Variants in DHX36 observed in about 807,000 individuals in gnomAD.
DHX36 encodes the protein ATP-dependent DNA/RNA helicase DHX36.
A neutral mutation model predicts 139.0 loss-of-function variants in DHX36; 50 were observed. The ratio of observed to expected loss-of-function variants is 0.36; its 90% CI spans 0.29 to 0.46. The LOEUF (loss-of-function observed/expected upper bound fraction) is 0.46. DHX36 is among the 20% of genes least tolerant of loss of function. The pLI, the probability that DHX36 is intolerant of heterozygous loss-of-function variation, is 1.00. For missense variants in DHX36, 1,024 were observed against 1,211.3 expected (o/e 0.85, Z 2.29); for synonymous variants, 425 against 401.9 (o/e 1.06, Z -0.69).
rs1712197578 is a variant in DHX36, at chr3:154,299,877, A to C, written c.1510T>G (p.Leu504Val). ...FLPGWDNIST[L>V]HDLLMSQVMF... ...ACTTGTGACATCAAGAGATCATGTAAAGTGCTGATATTGTCCCAGCCTGGC... is the reference window on the plus strand; with the variant it reads ...ACTTGTGACATCAAGAGATCATGTACAGTGCTGATATTGTCCCAGCCTGGC... Residue 504 changes from leucine to valine, a missense_variant, in exon 12 of 25, where the codon TTA becomes GTA. By Grantham distance (32) the Leu-to-Val change is conservative. Coordinates refer to ENST00000496811, the MANE Select transcript of DHX36 (RefSeq NM_020865.3). 6.2e-7 allele frequency: 1 copy of C among 1,613,724 alleles called. No individual in the cohort carries two copies. Among genetic ancestry groups the C allele is most frequent in the African/African-American group, 1.3e-5 (1 of 75,022 alleles).
At chr3:154,306,078 C>T (rs1712489969) in intron 6 of DHX36, 138 bp downstream of exon 6, 1 of 581,790 alleles carries the variant, frequency 1.7e-6, no homozygotes. Flanking sequence ...AGCAAGTCAT[C>T]TACGCTGCAG....
chr3:154,299,779 C>T lies in DHX36; in HGVS notation c.1549+59G>A, dbSNP rs765810244. On this transcript the variant is annotated intron_variant, in intron 12 of 24. Coordinates refer to ENST00000496811, the MANE Select transcript of DHX36 (RefSeq NM_020865.3). ...TCTTTGAATAAAAGAAAAAAATACACATCATATATAATTCAAATACCACTC... is the reference window on the plus strand; with the variant it reads ...TCTTTGAATAAAAGAAAAAAATACATATCATATATAATTCAAATACCACTC... 1.4e-5 allele frequency: 17 copies of T among 1,254,856 alleles called. No homozygotes were observed. The Middle Eastern group carries it at 1.7e-3, about 124-fold the overall frequency. 77.7% of individuals were successfully genotyped at this position (1,254,856 alleles called of 1,614,324 possible).
At chr3:154,278,825 G>A (rs1409450618) in intron 22 of DHX36, 4 of 152,062 alleles carry the variant, frequency 2.6e-5, no homozygotes, top group Non-Finnish European at 5.9e-5. Context: ...TCAAAATCAT[G>A]AATCATGGTT....
intron 17 of DHX36, 104 bp from the exon 18 acceptor site, chr3:154,285,091 T>A: frequency 8.6e-7 from 1 of 1,161,686 alleles, no homozygotes; most frequent in Non-Finnish European, 1.2e-6. Flanking sequence ...CTCTCTCTTC[T>A]AAGTCCAAAT....
In DHX36 at chr3:154,275,237, T is replaced by C. The variant is rs1177411999; in HGVS notation, c.*934A>G. ...CATGTTACCTAGGCACAACCTCCCA[T>C]ATTCTTTAAGTCATCTCTAGATTAT... On this transcript the variant is annotated 3_prime_UTR_variant, in exon 25 of 25. Coordinates refer to ENST00000496811, the MANE Select transcript of DHX36 (RefSeq NM_020865.3). The C allele has an allele frequency of 1.3e-5, 2 of 152,192 alleles. No homozygotes were observed. The highest frequency in any genetic ancestry group is 1.5e-5 in the Non-Finnish European group (1 of 68,048). The allele number at this position is 152,192 out of a possible 1,614,324, so 9.4% of individuals were successfully genotyped here.
chr3:154,294,792 T>C (rs1379398281), intron 13 of DHX36, among the ~76,000 whole-genome samples: 2 of 152,240 alleles, frequency 1.3e-5, no homozygotes, highest in African/African-American at 4.8e-5. Context: ...ATCCTGCCTC[T>C]GAGAATGTAG....
At chr3:154,293,951 T>C (rs964558627) in intron 13 of DHX36, 139 bp from the exon 14 acceptor site, 12 of 553,474 alleles carry the variant, frequency 2.2e-5, no homozygotes, top group Non-Finnish European at 3.6e-5. Context: ...CTAATATTTA[T>C]CGATGTATTT....
At chr3:154,297,788 T>G (rs1712101588) in intron 12 of DHX36, among the ~76,000 whole-genome samples, 1 of 151,840 alleles carries the variant, frequency 6.6e-6, no homozygotes, top group Admixed American at 6.6e-5. Flanking sequence ...TAGCCAGGGA[T>G]AATAAAAGTA....
chr3:154,324,098 CAAGAAA>C, intron 1 of DHX36, 70 bp downstream of exon 1: 1 of 1,473,104 alleles, frequency 6.8e-7, no homozygotes. Context: ...GAAACAAAAC[CAAGAAA>C]AAGGGGGCAG....
Position 154,276,002 on chromosome 3 carries a change from C to G in DHX36, c.*169G>C, listed in dbSNP as rs568119530. The G allele has an allele frequency of 2.5e-6, 1 of 407,106 alleles. No homozygotes were observed. The highest frequency in any genetic ancestry group is 2.2e-5 in the African/African-American group (1 of 46,292). The allele number at this position is 407,106 out of a possible 1,614,324, so 25.2% of individuals were successfully genotyped here. A position where few individuals can be genotyped will look rare whatever the true frequency, so the allele number is the denominator to read the frequency against. On this transcript the variant is annotated 3_prime_UTR_variant, in exon 25 of 25. Coordinates refer to ENST00000496811, the MANE Select transcript of DHX36 (RefSeq NM_020865.3). The stretch of plus-strand genomic sequence containing the variant: ...GGTATATATATATATATATATATAT[C>G]TCTACATATAACATCAAGTCATGCA...
chr3:154,285,085 C>T, intron 17 of DHX36, 98 bp from the exon 18 acceptor site: 1 of 1,247,844 alleles, frequency 8.0e-7, no homozygotes, highest in Non-Finnish European at 1.1e-6. Context: ...CCACTACTCT[C>T]TCTTCTAAGT....
Position 154,303,363 on chromosome 3 carries a change from C to T in DHX36, c.1183G>A (p.Glu395Lys). The change falls in exon 9 of 25, where the codon GAA becomes AAA. Residue 395 changes from glutamate (E) to lysine (K), a missense_variant. Glu to Lys is a moderately conservative substitution (Grantham distance 56). Transcript: ENST00000496811. ...HIPGFTFPVVEYLLEDVIEKI... is the reference protein window; with the variant it reads ...HIPGFTFPVVKYLLEDVIEKI... Reference sequence around the variant, plus strand: ...TCAATTACATCTTCCAAAAGATATTCCACAACCGGAAAGGTAAAACCAGGT... The same window carrying T: ...TCAATTACATCTTCCAAAAGATATTTCACAACCGGAAAGGTAAAACCAGGT... 6.2e-7 allele frequency: 1 copy of T among 1,607,344 alleles called. No homozygotes were observed. Among genetic ancestry groups the T allele is most frequent in the Non-Finnish European group, 8.5e-7 (1 of 1,177,222 alleles).
chr3:154,319,614 C>T (rs1164293518), intron 1 of DHX36, among the ~76,000 whole-genome samples: 1 of 152,168 alleles, frequency 6.6e-6, no homozygotes, highest in African/African-American at 2.4e-5. Context: ...CTCAGGGCCA[C>T]CTCCTTCACT....
At chr3:154,314,625 G>A (rs1048377675) in intron 3 of DHX36, 1 of 153,938 alleles carries the variant, frequency 6.5e-6, no homozygotes, top group Non-Finnish European at 1.4e-5. Flanking sequence ...TATTTAAAAT[G>A]TTAGTGAACA....
intron 14 of DHX36, 71 bp from the exon 15 acceptor site, chr3:154,292,765 A>G: frequency 6.4e-7 from 1 of 1,553,890 alleles, no homozygotes; most frequent in Non-Finnish European, 8.7e-7. Context: ...ACACACATCG[A>G]AAGCACTATT....
At position 154,274,392 on chromosome 3, in the gene DHX36, A is replaced by T. The variant is rs1214333773; in HGVS notation, c.*1779T>A. 1 of 171,666 alleles carries T rather than the reference A, an allele frequency of 5.8e-6. No homozygotes were observed. The highest frequency in any genetic ancestry group is 1.2e-5 in the Non-Finnish European group (1 of 80,526). 10.6% of individuals were successfully genotyped at this position (171,666 alleles called of 1,614,324 possible). ...TATTAAAAGTGGCTTAAACAATTGA[A>T]GGGTTTTTATTATATCAACATAAGT... On this transcript the variant is annotated 3_prime_UTR_variant, in exon 25 of 25. Transcript: ENST00000496811.
chr3:154,296,195 C>T lies in DHX36; in HGVS notation c.1550-856G>A, dbSNP rs192771032. On this transcript the variant is annotated intron_variant, in intron 12 of 24. Transcript: ENST00000496811. Reference sequence around the variant, plus strand: ...CTTGTTAAAAATAATACATTCCAGGCCAGGCGCGGTGGCTCATGCCTGTAA... The same window carrying T: ...CTTGTTAAAAATAATACATTCCAGGTCAGGCGCGGTGGCTCATGCCTGTAA... Among the ~76,000 whole-genome samples the T allele has an allele frequency of 4.1e-3, 631 of 152,274 alleles. 4 individuals are homozygous for T. Among genetic ancestry groups the T allele is most frequent in the African/African-American group, 0.015 (605 of 41,532 alleles).
intron 1 of DHX36, among the ~76,000 whole-genome samples, chr3:154,318,232 CTA>C (rs200431597): frequency 0.012 from 1,790 of 152,132 alleles, 31 homozygotes; most frequent in African/African-American, 0.041. Flanking sequence ...AGCAAATGAA[CTA>C]TATGTTACCT....
chr3:154,305,554 G>A (rs1194009208), intron 6 of DHX36, among the ~76,000 whole-genome samples: 3 of 152,138 alleles, frequency 2.0e-5, no homozygotes, highest in Non-Finnish European at 4.4e-5. Context: ...AGGGTTGCTT[G>A]AGCCCAGGAG....
Sources: gnomAD v4.1 joint callset for allele counts (sites outside exome capture counted in the v4.1 genomes callset) on GRCh38, gnomAD v4.1.1 for gene constraint, MANE v1.5 for transcripts, NCBI Gene and HGNC (gene_info 2026-07-23, HGNC 2026-07-21) for gene names.